AKR1C3: variants seen among roughly 807,000 people sequenced by gnomAD.
The protein encoded by AKR1C3 is aldo-keto reductase family 1 member C3, also known as 3-alpha hydroxysteroid dehydrogenase, type II.
Under a neutral mutation model 43.6 loss-of-function variants are expected in AKR1C3, and 48 were observed. The observed-to-expected ratio is 1.10, with a 90% CI of 0.87 to 1.40. AKR1C3 has a LOEUF of 1.40. Among genes scored for constraint, AKR1C3 ranks in the 40% most tolerant of loss-of-function variants. The pLI is 0.00. For synonymous variants in AKR1C3, 162 were observed against 139.6 expected (o/e 1.16, Z -1.13); for missense variants, 482 against 391.2 (o/e 1.23, Z -1.96).
chr10:5,079,502 C>T (rs1278450423), intron 1 of AKR1C3, among the ~76,000 whole-genome samples: 3 of 151,602 alleles, frequency 2.0e-5, no homozygotes, highest in East Asian at 3.9e-4. Flanking sequence ...CCCACCCCCA[C>T]CTTATCTGCC....
intron 1 of AKR1C3, among the ~76,000 whole-genome samples, chr10:5,067,407 G>C (rs1554780893): frequency 6.6e-6 from 1 of 152,166 alleles, no homozygotes; most frequent in Non-Finnish European, 1.5e-5. Flanking sequence ...AATTCCAAGA[G>C]TGTGGAGGGA....
At chr10:5,068,550 T>C (rs1250925522) in intron 1 of AKR1C3, among the ~76,000 whole-genome samples, 1 of 151,958 alleles carries the variant, frequency 6.6e-6, no homozygotes, top group South Asian at 2.1e-4. Context: ...CTTACACATC[T>C]TGCATATAAA....
At chr10:5,095,220 C>G (rs1260194622) in intron 1 of AKR1C3, among the ~76,000 whole-genome samples, 4 of 152,024 alleles carry the variant, frequency 2.6e-5, no homozygotes, top group Non-Finnish European at 2.9e-5. Context: ...ACCTCATTTT[C>G]TAGATAGAAC....
intron 1 of AKR1C3, among the ~76,000 whole-genome samples, chr10:5,059,417 G>A (rs905825227): frequency 2.0e-5 from 3 of 152,212 alleles, no homozygotes; most frequent in Admixed American, 6.5e-5. Context: ...ATGCCTTTGA[G>A]AGTTCCACTC....
intron 1 of AKR1C3, among the ~76,000 whole-genome samples, chr10:5,085,947 C>T (rs551050223): frequency 6.6e-6 from 1 of 151,878 alleles, no homozygotes; most frequent in Non-Finnish European, 1.5e-5. Context: ...TTTATTGCGT[C>T]TATTTGATTC....
intron 1 of AKR1C3, among the ~76,000 whole-genome samples, chr10:5,085,328 G>A (rs1380851379): frequency 6.6e-6 from 1 of 151,884 alleles, no homozygotes. Context: ...CATCTATTGA[G>A]ATAATCATGT....
chr10:5,088,236 A>AGGATGT (rs1301526299), intron 1 of AKR1C3, among the ~76,000 whole-genome samples: 1 of 152,170 alleles, frequency 6.6e-6, no homozygotes, highest in East Asian at 1.9e-4. Flanking sequence ...TTTATAACCA[A>AGGATGT]GGATGTGGTC....
intron 1 of AKR1C3, among the ~76,000 whole-genome samples, chr10:5,078,379 C>T (rs782656974): frequency 3.9e-5 from 6 of 152,134 alleles, no homozygotes; most frequent in East Asian, 3.9e-4. Context: ...GGGAGGCGGA[C>T]GTTGCAGTGA....
intron 1 of AKR1C3, among the ~76,000 whole-genome samples, chr10:5,067,009 G>A (rs905285079): frequency 6.6e-5 from 10 of 152,100 alleles, no homozygotes; most frequent in African/African-American, 2.2e-4. Context: ...TTTAACCCAT[G>A]ATGTGGATTA....
At chr10:5,105,544 G>A (rs781848040) in intron 7 of AKR1C3, 51 bp from the exon 8 acceptor site, 4 of 1,365,186 alleles carry the variant, frequency 2.9e-6, no homozygotes, top group Middle Eastern at 3.6e-4. Context: ...ATATACTTGG[G>A]GATTCACAAC....
intron 1 of AKR1C3, among the ~76,000 whole-genome samples, chr10:5,056,897 C>T (rs573161751): frequency 5.1e-4 from 78 of 152,324 alleles, no homozygotes; most frequent in African/African-American, 1.4e-3. Flanking sequence ...CAGGATTCCT[C>T]GGATGGTAAC....
intron 3 of AKR1C3, 78 bp from the exon 4 acceptor site, chr10:5,098,724 C>A: frequency 8.5e-7 from 1 of 1,175,232 alleles, no homozygotes; most frequent in Non-Finnish European, 1.3e-6. Context: ...GATTAGTGTC[C>A]TTAAAGGTAC....
chr10:5,105,557 G>C, intron 7 of AKR1C3, 38 bp from the exon 8 acceptor site: 2 of 1,494,226 alleles, frequency 1.3e-6, no homozygotes, highest in Non-Finnish European at 1.8e-6. Flanking sequence ...TTCACAACTG[G>C]CAATCTAAAA....
chr10:5,098,780 A>C, intron 3 of AKR1C3, 22 bp from the exon 4 acceptor site: 1 of 1,607,672 alleles, frequency 6.2e-7, no homozygotes, highest in Non-Finnish European at 8.5e-7. Context: ...TGACATCATT[A>C]AAATGACTGC....
At chr10:5,059,454 A>C (rs7082803) in intron 1 of AKR1C3, among the ~76,000 whole-genome samples, 8,107 of 151,566 alleles carry the variant, frequency 0.053, 282 homozygotes, top group East Asian at 0.16. Context: ...CCAACTTGTC[A>C]TCAGGAACCC....
intron 1 of AKR1C3, among the ~76,000 whole-genome samples, chr10:5,059,938 C>G (rs1554780039): frequency 6.6e-6 from 1 of 152,124 alleles, no homozygotes; most frequent in Non-Finnish European, 1.5e-5. Context: ...GGCAGCATGT[C>G]TGGAGTTTTT....
intron 1 of AKR1C3, among the ~76,000 whole-genome samples, chr10:5,056,863 G>T (rs191540349): frequency 1.3e-5 from 2 of 152,192 alleles, no homozygotes; most frequent in Admixed American, 1.3e-4. Context: ...GGAGGTGAGA[G>T]AAATACCTGG....
intron 1 of AKR1C3, chr10:5,078,009 T>C (rs1554781997): frequency 1.5e-6 from 1 of 682,088 alleles, no homozygotes; most frequent in Non-Finnish European, 2.6e-6. Flanking sequence ...AGATGTGACA[T>C]TGTCAGTGAG....
chr10:5,055,688 A>C (rs1413513260), intron 1 of AKR1C3, among the ~76,000 whole-genome samples: 3 of 35,032 alleles, frequency 8.6e-5, no homozygotes, highest in African/African-American at 4.0e-4. Context: ...ACTTATAAAG[A>C]GAAGTTTTGT....
Sources: gnomAD v4.1 joint callset for allele counts (sites outside exome capture counted in the v4.1 genomes callset) on GRCh38, gnomAD v4.1.1 for gene constraint, MANE v1.5 for transcripts, NCBI Gene and HGNC (gene_info 2026-07-23, HGNC 2026-07-21) for gene names.